The following KPNB1 variants were observed in gnomAD, a reference collection of about 807,000 sequenced individuals.
KPNB1 encodes karyopherin subunit beta 1, also known as importin subunit beta-1.
KPNB1 carries 7 observed loss-of-function variants against 113.0 expected under a neutral mutation model. The ratio of observed to expected loss-of-function variants is 0.06; its 90% confidence interval spans 0.04 to 0.12. The LOEUF is 0.12. Ranked by LOEUF, KPNB1 falls within the 10% of genes least tolerant of loss-of-function variation. KPNB1 has a pLI of 1.00. For synonymous variants in KPNB1, 363 were observed against 378.6 expected (o/e 0.96, Z 0.48); for missense variants, 400 against 1,054.8 (o/e 0.38, Z 8.60).
At chr17:47,650,350 C>A in intron 1 of KPNB1, 36 bp from the exon 2 acceptor site, 1 of 1,610,830 alleles carries the variant, frequency 6.2e-7, no homozygotes, top group Non-Finnish European at 8.5e-7. Flanking sequence ...CCCGGCCCCT[C>A]TGACCCCGCT....
Position 47,657,021 on chromosome 17 carries a change from G to A in KPNB1, c.444G>A (p.Glu148=). The change falls in exon 4 of 22, where the codon GAG becomes GAA. Residue 148 remains glutamate (E), a synonymous_variant. Transcript: ENST00000290158. The part of the protein sequence containing the change: ...TNPNSTEHMK[E]STLEAIGYIC... ...CCAACAGCACAGAGCACATGAAGGA[G>A]TCGACATTGGAAGCCATCGGTTATA... The A allele has an allele frequency of 6.2e-7, 1 of 1,614,178 alleles. No homozygotes were observed. Among genetic ancestry groups the A allele is most frequent in the Non-Finnish European group, 8.5e-7 (1 of 1,180,030 alleles).
At chr17:47,665,805 G>A (rs1567891165) in intron 9 of KPNB1, among the ~76,000 whole-genome samples, 1 of 152,068 alleles carries the variant, frequency 6.6e-6, no homozygotes, top group East Asian at 1.9e-4. Flanking sequence ...TTTTTGATAC[G>A]GTATTTGGGA....
At position 47,663,073 on chromosome 17, in the gene KPNB1, C is replaced by G. The variant is rs760545666; in HGVS notation, c.697-16C>G. 2.7e-5 allele frequency: 37 copies of G among 1,367,896 alleles called. No homozygotes were observed. The highest frequency in any genetic ancestry group is 3.7e-5 in the Non-Finnish European group (35 of 955,830). The allele number at this position is 1,367,896 out of a possible 1,614,324, so 84.7% of individuals were successfully genotyped here. A position where few individuals can be genotyped will look rare whatever the true frequency, so the allele number is the denominator to read the frequency against. On this transcript the variant is annotated splice_polypyrimidine_tract_variant and intron_variant, in intron 6 of 21. Transcript: ENST00000290158. The stretch of plus-strand genomic sequence containing the variant: ...TTGTTATTTTAGTAAACTATCTGAT[C>G]TGCTGTTCATAAAAGGTACGAGTGG...
At chr17:47,660,985 G>A in intron 5 of KPNB1, 134 bp from the exon 6 acceptor site, 3 of 690,748 alleles carry the variant, frequency 4.3e-6, no homozygotes, top group Admixed American at 2.2e-5. Flanking sequence ...AGGGAGAGTG[G>A]CTTGATTGTA....
At chr17:47,681,700 T>TG (rs2030790106) in intron 21 of KPNB1, among the ~76,000 whole-genome samples, 2 of 146,342 alleles carry the variant, frequency 1.4e-5, no homozygotes, top group African/African-American at 2.5e-5. Flanking sequence ...TTTTTTTTTT[T>TG]TTTTTTTTTT....
intron 14 of KPNB1, 108 bp downstream of exon 14, chr17:47,673,669 G>T (rs1055623858): frequency 1.2e-6 from 1 of 833,244 alleles, no homozygotes; most frequent in Non-Finnish European, 2.0e-6. Context: ...AGATGATGCG[G>T]ATCAGAAGCT....
At chr17:47,677,149 A>G (rs1430804551) in intron 17 of KPNB1, 22 bp downstream of exon 17, 1 of 1,487,522 alleles carries the variant, frequency 6.7e-7, no homozygotes, top group African/African-American at 1.4e-5. Flanking sequence ...CACACAATCT[A>G]ATTAACCAGT....
At position 47,680,455 on chromosome 17, in the gene KPNB1, T is replaced by C. The variant is rs1035390393; in HGVS notation, c.2469-53T>C. The C allele has an allele frequency of 1.9e-6, 3 of 1,593,478 alleles. No homozygotes were observed. In the African/African-American group the frequency reaches 4.1e-5, roughly 22 times the overall value. ...GCACTGGTTTGGAAGGCTCAAAACA[T>C]TATACTGGTATGGGGCTAGGAGCTC... On this transcript the variant is annotated intron_variant, in intron 20 of 21. Coordinates refer to ENST00000290158, the MANE Select transcript of KPNB1 (RefSeq NM_002265.6).
Position 47,685,504 on chromosome 17 carries a change from A to C in KPNB1, c.*3100A>C. 1 of 148,722 alleles carries C rather than the reference A, an allele frequency of 6.7e-6. No individual in the cohort carries two copies. The highest frequency in any genetic ancestry group is 1.5e-5 in the Non-Finnish European group (1 of 67,548). 9.2% of individuals were successfully genotyped at this position (148,722 alleles called of 1,614,324 possible). ...TAAAGTCCGCTTTATTTTTATTTTCAACATCTTGCTGCTTTTTTTTTTTTT... is the reference window on the plus strand; with the variant it reads ...TAAAGTCCGCTTTATTTTTATTTTCCACATCTTGCTGCTTTTTTTTTTTTT... On this transcript the variant is annotated 3_prime_UTR_variant, in exon 22 of 22. Transcript: ENST00000290158.
rs201765749 is a variant in KPNB1, at chr17:47,652,899, G to T, written c.282+23G>T. 769 of 1,522,862 alleles carry T rather than the reference G, an allele frequency of 5.0e-4. 5 individuals are homozygous for T. Among genetic ancestry groups the T allele is most frequent in the Admixed American group, 1.3e-3 (60 of 45,058 alleles). The allele number at this position is 1,522,862 out of a possible 1,614,324, so 94.3% of individuals were successfully genotyped here. A position where few individuals can be genotyped will look rare whatever the true frequency, so the allele number is the denominator to read the frequency against. ...TATGTGAGTAACGCTTATCTGTTTG[G>T]TTATATTGCCCAGAGAACAAGAAAT... On this transcript the variant is annotated intron_variant, in intron 3 of 21. Coordinates refer to ENST00000290158, the MANE Select transcript of KPNB1 (RefSeq NM_002265.6).
At position 47,670,533 on chromosome 17, in the gene KPNB1, T is replaced by C. The variant is rs967725966; in HGVS notation, c.1417-169T>C. On this transcript the variant is annotated intron_variant, in intron 11 of 21. Coordinates refer to ENST00000290158, the MANE Select transcript of KPNB1 (RefSeq NM_002265.6). The stretch of plus-strand genomic sequence containing the variant: ...GGATGAACAGGAAGTACAAATCAAA[T>C]AAATAAATAGTTAGTTTAAAAGATA... The C allele has an allele frequency of 7.7e-6, 4 of 521,480 alleles. No individual in the cohort carries two copies. The African/African-American group carries it at 7.7e-5, about 10-fold the overall frequency. 32.3% of individuals were successfully genotyped at this position (521,480 alleles called of 1,614,324 possible). A position where few individuals can be genotyped will look rare whatever the true frequency, so the allele number is the denominator to read the frequency against.
Position 47,669,830 on chromosome 17 carries a change from T to A in KPNB1, c.1377T>A (p.Gly459=). Residue 459 remains glycine, a synonymous_variant, in exon 11 of 22, where the codon GGT becomes GGA. Coordinates refer to ENST00000290158, the MANE Select transcript of KPNB1 (RefSeq NM_002265.6). ...LAPLLQCLIE[G]LSAEPRVASN... is the part of the protein sequence containing the mutation. ...CCCTGCTACAGTGTCTGATTGAGGG[T>A]CTCAGTGCTGAACCCAGAGTGGCTT... The A allele has an allele frequency of 6.2e-7, 1 of 1,613,510 alleles. No individual in the cohort carries two copies. The highest frequency in any genetic ancestry group is 8.5e-7 in the Non-Finnish European group (1 of 1,179,434).
At chr17:47,656,121 G>A (rs2029896505) in intron 3 of KPNB1, among the ~76,000 whole-genome samples, 1 of 152,122 alleles carries the variant, frequency 6.6e-6, no homozygotes, top group Admixed American at 6.5e-5. Context: ...GGGCATGGTG[G>A]CAGGCACCTG....
At position 47,680,114 on chromosome 17, in the gene KPNB1, T is replaced by A; in HGVS notation, c.2448T>A (p.Ala816=). 1 of 1,609,494 alleles carries A rather than the reference T, an allele frequency of 6.2e-7. No individual in the cohort carries two copies. Among genetic ancestry groups the A allele is most frequent in the Middle Eastern group, 1.7e-4 (1 of 6,048 alleles). Residue 816 remains alanine (A), a synonymous_variant, in exon 20 of 22, where the codon GCT becomes GCA. Transcript: ENST00000290158. The part of the protein sequence containing the change: ...GDEDHTDGVV[A]CAAGLIGDLC... ...AGGATCACACAGATGGAGTAGTAGC[T>A]TGTGCTGCTGGACTAATAGGGTAAG...
intron 9 of KPNB1, 74 bp from the exon 10 acceptor site, chr17:47,668,112 A>C (rs1567891930): frequency 2.6e-6 from 3 of 1,133,170 alleles, no homozygotes; most frequent in Non-Finnish European, 3.9e-6. Context: ...GACATTCAAG[A>C]GTAGTCAGAG....
At chr17:47,675,362 T>TTG (rs2030570883) in intron 15 of KPNB1, among the ~76,000 whole-genome samples, 11 of 105,146 alleles carry the variant, frequency 1.0e-4, no homozygotes, top group Non-Finnish European at 1.6e-4. Flanking sequence ...AGAGGTGTTG[T>TTG]TTTTTTTTTG....
At chr17:47,662,418 C>T in intron 6 of KPNB1, among the ~76,000 whole-genome samples, 1 of 151,890 alleles carries the variant, frequency 6.6e-6, no homozygotes, top group South Asian at 2.1e-4. Flanking sequence ...AACTCCATGT[C>T]CACAAAGATT....
At chr17:47,659,236 C>T (rs981046878) in intron 5 of KPNB1, among the ~76,000 whole-genome samples, 1 of 152,036 alleles carries the variant, frequency 6.6e-6, no homozygotes, top group African/African-American at 2.4e-5. Flanking sequence ...GTAATCCCAG[C>T]TACTCAGGAG....
At chr17:47,674,494 C>T (rs2030538568) in intron 14 of KPNB1, 144 bp from the exon 15 acceptor site, 1 of 728,866 alleles carries the variant, frequency 1.4e-6, no homozygotes, top group African/African-American at 1.8e-5. Flanking sequence ...TTGGTACTGT[C>T]AATGTTTTTG....
Sources: gnomAD v4.1 joint callset for allele counts (sites outside exome capture counted in the v4.1 genomes callset) on GRCh38, gnomAD v4.1.1 for gene constraint, MANE v1.5 for transcripts, NCBI Gene and HGNC (gene_info 2026-07-23, HGNC 2026-07-21) for gene names.